ACAA1: variants seen among roughly 807,000 people sequenced by gnomAD.
ACAA1 encodes 3-ketoacyl-CoA thiolase, peroxisomal.
In ACAA1, 44 loss-of-function variants were observed where a neutral mutation model predicts 48.8. The ratio of observed to expected loss-of-function variants is 0.90; its 90% CI spans 0.71 to 1.16. The LOEUF is 1.16. Among genes scored for constraint, ACAA1 ranks in the 50% most tolerant of loss-of-function variants. The probability of loss-of-function intolerance (pLI) is 0.00; values close to 1 mark genes in which losing one functional copy is unlikely to be tolerated. For synonymous variants in ACAA1, 233 were observed against 226.5 expected, an observed-to-expected ratio of 1.03 and a Z score of -0.26; for missense variants, 512 against 562.3, an observed-to-expected ratio of 0.91 and a Z score of 0.90.
chr3:38,123,372 G>A (rs1315130456), intron 11 of ACAA1: 2 of 496,288 alleles, frequency 4.0e-6, no homozygotes, highest in Non-Finnish European at 7.2e-6. Context: ...AGTTCAGGGT[G>A]TTTCTGTGTG....
intron 1 of ACAA1, 59 bp downstream of exon 1, chr3:38,136,806 C>A (rs945089040): frequency 6.7e-7 from 1 of 1,486,306 alleles, no homozygotes. Context: ...ACATACGAAC[C>A]GGACCCCAGC....
chr3:38,126,411 A>G lies in ACAA1; in HGVS notation c.818-70T>C. The G allele has an allele frequency of 6.2e-7, 1 of 1,605,658 alleles. No homozygotes were observed. The highest frequency in any genetic ancestry group is 1.1e-5 in the South Asian group (1 of 90,224). On this transcript the variant is annotated intron_variant, in intron 8 of 11. Transcript: ENST00000333167. The surrounding 1 kb of genome is among the most constrained non-coding windows in gnomAD (Gnocchi z 4.7). ...AGGAGATCCCAGCCCTCCCACTTCT[A>G]CTTTGCAGAGGGGCCTGGTCTATTC...
rs1378649774 is a variant in ACAA1 at position 38,129,914 on chromosome 3, T to C, written c.447-526A>G. 6.6e-6 allele frequency among the ~76,000 whole-genome samples: 1 copy of C among 152,106 alleles called. No individual in the cohort carries two copies. The highest frequency in any genetic ancestry group is 2.4e-5 in the African/African-American group (1 of 41,406). ...AAAAATACAAAACATTAGCCGGGCA[T>C]GGTGGCAGGCGCCAGGGTGGGAGGC... On this transcript the variant is annotated intron_variant, in intron 5 of 11. Transcript: ENST00000333167. This position sits in a 1 kb window ranked among gnomAD's most constrained non-coding sequence, Gnocchi z 5.3.
chr3:38,136,660 G>A lies in ACAA1; in HGVS notation c.197C>T (p.Ser66Leu), dbSNP rs746937159. 4.4e-5 allele frequency: 71 copies of A among 1,613,408 alleles called. No homozygotes were observed. The highest frequency in any genetic ancestry group is 6.7e-5 in the African/African-American group (5 of 74,894). ...FKDTTPDELL[S>L]AVMTAVLKDV... ...CTTGAGAACCGCGGTCATGACTGCC[G>A]AGAGAAGCTCGTCGGGGGTGGTGTC... Residue 66 changes from serine (S) to leucine (L), a missense_variant, in exon 2 of 12, where the codon TCG (serine) becomes TTG (leucine). Coordinates refer to ENST00000333167, the MANE Select transcript of ACAA1 (RefSeq NM_001607.4).
In ACAA1 at chr3:38,125,702, G is replaced by A. The variant is rs377639371; in HGVS notation, c.1062C>T (p.Tyr354=). Residue 354 remains tyrosine, a synonymous_variant, in exon 11 of 12, where the codon TAC becomes TAT. Transcript: ENST00000333167. ...GGGGGAGTCGTAGCTTCTCCACACA[G>A]TAGGCAGCCTGGAAGGAGGCAGATC... is the stretch of plus-strand genomic sequence containing the variant. ...INEAFASQAA[Y]CVEKLRLPPE... The A allele has an allele frequency of 1.2e-6, 2 of 1,606,954 alleles. No homozygotes were observed. The highest frequency in any genetic ancestry group is 2.7e-5 in the African/African-American group (2 of 74,816).
chr3:38,136,212 A>G (rs1362630975), intron 2 of ACAA1, among the ~76,000 whole-genome samples: 1 of 152,192 alleles, frequency 6.6e-6, no homozygotes. Flanking sequence ...TTTTCTTAGT[A>G]CAGATCAAAA....
intron 5 of ACAA1, among the ~76,000 whole-genome samples, chr3:38,130,966 G>A (rs2125768653): frequency 6.6e-6 from 1 of 152,324 alleles, no homozygotes; most frequent in South Asian, 2.1e-4. Flanking sequence ...AGCACCAGAT[G>A]CCCACCCAAG....
At chr3:38,132,104 T>A in intron 3 of ACAA1, 99 bp from the exon 4 acceptor site, 2 of 1,103,054 alleles carry the variant, frequency 1.8e-6, no homozygotes, top group Non-Finnish European at 2.7e-6. Context: ...TCAAGGGATG[T>A]AAAGGGCAGG....
intron 11 of ACAA1, 181 bp from the exon 12 acceptor site, chr3:38,123,303 C>A: frequency 1.6e-6 from 1 of 609,352 alleles, no homozygotes; most frequent in Non-Finnish European, 3.0e-6. Context: ...CCACTGCAGG[C>A]TAGTATCCCT....
At chr3:38,128,914 G>A (rs528930068) in intron 6 of ACAA1, among the ~76,000 whole-genome samples, 52 of 152,140 alleles carry the variant, frequency 3.4e-4, no homozygotes, top group Non-Finnish European at 6.8e-4. Context: ...TTTTCTTGTT[G>A]CACCTGACAG....
chr3:38,133,608 C>T, intron 3 of ACAA1: 1 of 298,162 alleles, frequency 3.4e-6, no homozygotes, highest in Non-Finnish European at 6.4e-6. Context: ...CTCAGCTCAA[C>T]TAGTAAAAAG....
rs1700669565 is a variant in ACAA1 at position 38,125,849 on chromosome 3, T to C, written c.1030A>G (p.Ile344Val). The C allele has an allele frequency of 1.9e-6, 3 of 1,614,132 alleles. No individual in the cohort carries two copies. In the Admixed American group the frequency reaches 5.0e-5, roughly 27 times the overall value. Residue 344 changes from isoleucine (I) to valine (V), a missense_variant, in exon 10 of 12, where the codon ATC becomes GTC. Transcript: ENST00000333167. Reference protein sequence around the residue: ...LTVSDVDIFEINEAFASQAAY... With the variant: ...LTVSDVDIFEVNEAFASQAAY... The stretch of plus-strand genomic sequence containing the variant: ...ACCTGGCTTGCAAAGGCCTCATTGA[T>C]CTCGAAGATGTCCACGTCACTCACT...
intron 3 of ACAA1, among the ~76,000 whole-genome samples, chr3:38,132,739 T>C (rs1700813292): frequency 6.6e-6 from 1 of 152,172 alleles, no homozygotes; most frequent in Non-Finnish European, 1.5e-5. Flanking sequence ...TCCTGGTGAT[T>C]CTGGTGTGTA....
intron 5 of ACAA1, among the ~76,000 whole-genome samples, chr3:38,130,312 A>G (rs1700761707): frequency 6.6e-6 from 1 of 152,238 alleles, no homozygotes; most frequent in Non-Finnish European, 1.5e-5. Context: ...TGACAGACAA[A>G]TACTCCACAG....
chr3:38,131,500 G>C (rs1700787796), intron 5 of ACAA1, 96 bp downstream of exon 5: 1 of 1,340,908 alleles, frequency 7.5e-7, no homozygotes, highest in African/African-American at 1.4e-5. Flanking sequence ...AAGGGGATGG[G>C]GGGAATCCTG....
intron 1 of ACAA1, 33 bp downstream of exon 1, chr3:38,136,832 C>T: frequency 2.0e-6 from 3 of 1,495,778 alleles, no homozygotes; most frequent in Middle Eastern, 2.4e-4. Context: ...CCGGCGTCTT[C>T]CCACACTCGG....
At chr3:38,124,354 C>A (rs976457086) in intron 11 of ACAA1, 1 of 152,198 alleles carries the variant, frequency 6.6e-6, no homozygotes, top group African/African-American at 2.4e-5. Flanking sequence ...CACCTGTAAT[C>A]CCAGCACTTT....
In ACAA1 at chr3:38,123,207, CAAGTAGGATGCA is replaced by C. The variant is rs1700578660; in HGVS notation, c.1200-97_1200-86del. 2.6e-5 allele frequency: 35 copies of C among 1,341,710 alleles called. No individual in the cohort carries two copies. The South Asian group carries it at 3.5e-4, about 14-fold the overall frequency. The allele number at this position is 1,341,710 out of a possible 1,614,324, so 83.1% of individuals were successfully genotyped here. Reference sequence around the variant, plus strand: ...GGCTGACCCAGAAGGACGTCATGGACAAGTAGGATGCAAAACCATCAGACCAGATCTGTGGGC... The same window carrying C: ...GGCTGACCCAGAAGGACGTCATGGACAAACCATCAGACCAGATCTGTGGGC... On this transcript the variant is annotated intron_variant, in intron 11 of 11. Transcript: ENST00000333167.
At position 38,123,358 on chromosome 3, in the gene ACAA1, C is replaced by G. The variant is rs1700584484; in HGVS notation, c.1200-236G>C. ...GAAAACAGGGATCATGCCCCTACAT[C>G]CTAAGTTCAGGGTGTTTCTGTGTGC... is the stretch of plus-strand genomic sequence containing the variant. On this transcript the variant is annotated intron_variant, in intron 11 of 11. Coordinates refer to ENST00000333167, the MANE Select transcript of ACAA1 (RefSeq NM_001607.4). The G allele has an allele frequency of 1.1e-5, 6 of 536,684 alleles. No individual in the cohort carries two copies. In the South Asian group the frequency reaches 1.4e-4, roughly 12 times the overall value. The allele number at this position is 536,684 out of a possible 1,614,324, so 33.2% of individuals were successfully genotyped here.
Sources: gnomAD v4.1 joint callset for allele counts (sites outside exome capture counted in the v4.1 genomes callset) on GRCh38, gnomAD v4.1.1 for gene constraint, Gnocchi (gnomAD v3.1) non-coding constraint, MANE v1.5 for transcripts, NCBI Gene and HGNC (gene_info 2026-07-23, HGNC 2026-07-21) for gene names.